HDAC9: variants seen among roughly 807,000 people sequenced by gnomAD.
The protein encoded by HDAC9 is histone deacetylase 9.
In HDAC9, 41 loss-of-function variants were observed where a neutral mutation model predicts 139.4. The observed-to-expected ratio is 0.29, with a 90% CI of 0.23 to 0.38. The LOEUF is 0.38. HDAC9 is among the 10% of genes least tolerant of loss of function. HDAC9 has a pLI of 1.00. For synonymous variants in HDAC9, 517 were observed against 476.2 expected, an observed-to-expected ratio of 1.09 and a Z score of -1.12; for missense variants, 1,147 against 1,297.0, an observed-to-expected ratio of 0.88 and a Z score of 1.78.
At chr7:18,614,739 A>C (rs1373391780) in intron 6 of HDAC9, among the ~76,000 whole-genome samples, 2 of 152,172 alleles carry the variant, frequency 1.3e-5, no homozygotes, top group African/African-American at 2.4e-5. Flanking sequence ...AAACCATCTG[A>C]AATAGAATAA....
chr7:18,411,817 CTT>C (rs71014326), intron 1 of HDAC9, among the ~76,000 whole-genome samples: 95 of 88,952 alleles, frequency 1.1e-3, no homozygotes, highest in East Asian at 5.6e-3. Flanking sequence ...TTTCAACTTG[CTT>C]TTTTTTTTTT....
intron 1 of HDAC9, among the ~76,000 whole-genome samples, chr7:18,471,200 A>G (rs113437859): frequency 1.3e-5 from 2 of 152,072 alleles, no homozygotes; most frequent in Non-Finnish European, 2.9e-5. Context: ...TGGAACTATA[A>G]CCGGCACAGG....
intron 22 of HDAC9, among the ~76,000 whole-genome samples, chr7:18,919,928 C>T (rs529125329): frequency 2.4e-3 from 359 of 152,164 alleles, no homozygotes; most frequent in African/African-American, 8.1e-3. Flanking sequence ...AGTCAGGTAG[C>T]ATGATGCCTC....
At chr7:18,152,341 C>T (rs17138672) in intron 1 of HDAC9, among the ~76,000 whole-genome samples, 2,119 of 152,266 alleles carry the variant, frequency 0.014, 47 homozygotes, top group African/African-American at 0.047. Flanking sequence ...TGTGAAAATA[C>T]GGCAATTGGA....
chr7:18,639,119 A>C (rs1283406852), intron 8 of HDAC9, among the ~76,000 whole-genome samples: 1 of 152,088 alleles, frequency 6.6e-6, no homozygotes, highest in Non-Finnish European at 1.5e-5. Context: ...AATGCTTTTA[A>C]AAAAGGATTC....
chr7:18,486,857 T>C (rs932950059), intron 1 of HDAC9, among the ~76,000 whole-genome samples: 7 of 152,126 alleles, frequency 4.6e-5, no homozygotes, highest in Admixed American at 4.6e-4. Context: ...ATTGTGTGCC[T>C]GACATTTATT....
At chr7:18,582,774 C>A (rs903297236) in intron 2 of HDAC9, among the ~76,000 whole-genome samples, 4 of 152,082 alleles carry the variant, frequency 2.6e-5, no homozygotes, top group African/African-American at 9.7e-5. Flanking sequence ...CTAGAGTTGG[C>A]AAACCTGAAT....
chr7:18,118,207 C>T (rs1784135993), intron 1 of HDAC9, among the ~76,000 whole-genome samples: 1 of 152,176 alleles, frequency 6.6e-6, no homozygotes, highest in Non-Finnish European at 1.5e-5. Flanking sequence ...GCCAAGTAAT[C>T]ACATTTCTCT....
intron 2 of HDAC9, among the ~76,000 whole-genome samples, chr7:18,196,075 A>G (rs1157957485): frequency 1.3e-5 from 2 of 152,138 alleles, no homozygotes; most frequent in African/African-American, 2.4e-5. Context: ...TTATTTGAAT[A>G]TTTATCCATC....
intron 1 of HDAC9, among the ~76,000 whole-genome samples, chr7:18,487,816 G>T (rs546075515): frequency 6.6e-6 from 1 of 152,150 alleles, no homozygotes; most frequent in South Asian, 2.1e-4. Flanking sequence ...GGTGTGGTAT[G>T]CCACGTATCA....
intron 21 of HDAC9, among the ~76,000 whole-genome samples, chr7:18,871,819 A>G (rs1798937751): frequency 6.6e-6 from 1 of 152,192 alleles, no homozygotes. Flanking sequence ...CATTGCCAAA[A>G]TAAAGAGATC....
At chr7:18,430,021 T>G (rs1415129345) in intron 1 of HDAC9, among the ~76,000 whole-genome samples, 4 of 152,212 alleles carry the variant, frequency 2.6e-5, no homozygotes, top group Non-Finnish European at 2.9e-5. Context: ...TATTTGAAAT[T>G]TATAATAGTT....
In HDAC9 at chr7:18,999,515, G is replaced by A. The variant is rs779471060; in HGVS notation, c.*3453G>A. ...CTTGGTGCCCAGGCTGGAGTGCAAT[G>A]GCGCAATCTCGACTCACTGCAACCT... On this transcript the variant is annotated 3_prime_UTR_variant, in exon 26 of 26. Transcript: ENST00000686413. 3 of 152,204 alleles carry A rather than the reference G, an allele frequency of 2.0e-5. No individual in the cohort carries two copies. The highest frequency in any genetic ancestry group is 4.4e-5 in the Non-Finnish European group (3 of 68,062). 9.4% of individuals were successfully genotyped at this position (152,204 alleles called of 1,614,324 possible). A position where few individuals can be genotyped will look rare whatever the true frequency, so the allele number is the denominator to read the frequency against.
chr7:18,617,719 C>T (rs1839043376), intron 6 of HDAC9, among the ~76,000 whole-genome samples: 1 of 152,076 alleles, frequency 6.6e-6, no homozygotes, highest in South Asian at 2.1e-4. Context: ...GTATCTTTAG[C>T]CTATTTATTA....
chr7:18,598,691 C>A (rs551757066), intron 6 of HDAC9, among the ~76,000 whole-genome samples: 1 of 152,300 alleles, frequency 6.6e-6, no homozygotes, highest in Admixed American at 6.5e-5. Flanking sequence ...TATGCCAAAA[C>A]TAAATCTCTT....
At chr7:18,410,343 A>G (rs1788429390) in intron 1 of HDAC9, among the ~76,000 whole-genome samples, 1 of 152,190 alleles carries the variant, frequency 6.6e-6, no homozygotes. Context: ...GGCAATGGAC[A>G]TAATGAAGAA....
At chr7:18,346,968 A>G (rs1481987762) in intron 1 of HDAC9, among the ~76,000 whole-genome samples, 1 of 152,116 alleles carries the variant, frequency 6.6e-6, no homozygotes, top group Non-Finnish European at 1.5e-5. Context: ...CATTCATAGG[A>G]GAGGCTGGCG....
intron 22 of HDAC9, among the ~76,000 whole-genome samples, chr7:18,883,308 A>T (rs1799870685): frequency 6.6e-6 from 1 of 152,112 alleles, no homozygotes; most frequent in South Asian, 2.1e-4. Flanking sequence ...CTACCAAATC[A>T]AATTCAAAAA....
intron 13 of HDAC9, among the ~76,000 whole-genome samples, chr7:18,736,686 TA>T (rs1253583163): frequency 3.3e-5 from 5 of 152,216 alleles, no homozygotes; most frequent in Non-Finnish European, 1.5e-5. Context: ...GATATTGGTC[TA>T]AAATTCTCTT....
Sources: gnomAD v4.1 joint callset for allele counts (sites outside exome capture counted in the v4.1 genomes callset) on GRCh38, gnomAD v4.1.1 for gene constraint, MANE v1.5 for transcripts, NCBI Gene and HGNC (gene_info 2026-07-23, HGNC 2026-07-21) for gene names.